SYT16: variants seen among roughly 807,000 people sequenced by gnomAD.
SYT16 encodes the protein synaptotagmin-16.
SYT16 carries 42 observed loss-of-function variants against 61.4 expected under a neutral mutation model. The observed-to-expected ratio is 0.68, with a 90% CI of 0.53 to 0.89. The LOEUF is 0.89. Among genes scored for constraint, SYT16 ranks in the 40% least tolerant of loss-of-function variants. The pLI, the probability that SYT16 is intolerant of heterozygous loss-of-function variation, is 0.00. For missense variants in SYT16, 804 were observed against 807.3 expected (o/e 1.00, Z 0.05); for synonymous variants, 314 against 302.3 (o/e 1.04, Z -0.40).
chr14:61,923,085 T>C (rs2049401892), intron 1 of SYT16, among the ~76,000 whole-genome samples: 1 of 151,906 alleles, frequency 6.6e-6, no homozygotes, highest in Non-Finnish European at 1.5e-5. Context: ...GACCTATTTG[T>C]ATACTATTCT....
intron 3 of SYT16, among the ~76,000 whole-genome samples, chr14:62,020,324 A>G (rs140982923): frequency 3.3e-5 from 5 of 152,324 alleles, no homozygotes; most frequent in South Asian, 2.1e-4. Flanking sequence ...GTGTGTGTAT[A>G]TATCTTGTAT....
chr14:62,040,202 G>A (rs964602866), intron 3 of SYT16, among the ~76,000 whole-genome samples: 4 of 152,068 alleles, frequency 2.6e-5, no homozygotes, highest in African/African-American at 9.7e-5. Context: ...CTAGACTTGA[G>A]TTTTTTCCCC....
chr14:61,974,559 A>G (rs2051701819), intron 2 of SYT16, among the ~76,000 whole-genome samples: 1 of 152,196 alleles, frequency 6.6e-6, no homozygotes, highest in Non-Finnish European at 1.5e-5. Flanking sequence ...TCCTGGAGTC[A>G]GCAGGAGCCA....
intron 3 of SYT16, among the ~76,000 whole-genome samples, chr14:62,009,099 C>T (rs1433007956): frequency 6.6e-6 from 1 of 152,192 alleles, no homozygotes; most frequent in Non-Finnish European, 1.5e-5. Flanking sequence ...GGCTTCTTCT[C>T]TCTGTCACCA....
chr14:61,975,422 G>T (rs1322165885), intron 2 of SYT16, among the ~76,000 whole-genome samples: 1 of 152,100 alleles, frequency 6.6e-6, no homozygotes, highest in Non-Finnish European at 1.5e-5. Context: ...CTAAGACTGG[G>T]TAATTTATAA....
At chr14:61,985,109 G>C (rs1430852579) in intron 2 of SYT16, among the ~76,000 whole-genome samples, 1 of 152,072 alleles carries the variant, frequency 6.6e-6, no homozygotes, top group African/African-American at 2.4e-5. Context: ...CATATTATTA[G>C]CATTACTATT....
At chr14:61,864,745 C>G in intron 1 of SYT16, 2 of 990,408 alleles carry the variant, frequency 2.0e-6, no homozygotes, top group Non-Finnish European at 3.1e-6. Flanking sequence ...CACTCGCTAC[C>G]TGGTTAATGA....
In SYT16 at chr14:62,074,729, G is replaced by A. The variant is rs933841669; in HGVS notation, c.737-406G>A. Among the ~76,000 whole-genome samples, 5 of 152,166 alleles carry A rather than the reference G, an allele frequency of 3.3e-5. No homozygotes were observed. In the South Asian group the frequency reaches 8.3e-4, roughly 25 times the overall value. ...CAAAGCTTTTTGAGCAGAGGGTAAT[G>A]TGGTAAACACTGAAGAGGAAAGGAA... On this transcript the variant is annotated intron_variant, in intron 4 of 7. Coordinates refer to ENST00000683842, the MANE Select transcript of SYT16 (RefSeq NM_001367656.1).
chr14:61,941,569 G>A (rs1399528547), intron 1 of SYT16, among the ~76,000 whole-genome samples: 1 of 152,130 alleles, frequency 6.6e-6, no homozygotes, highest in African/African-American at 2.4e-5. Context: ...ATGAGATAAA[G>A]CCTTCTGCTC....
intron 3 of SYT16, among the ~76,000 whole-genome samples, chr14:62,001,329 A>T (rs914265739): frequency 2.0e-5 from 3 of 151,864 alleles, no homozygotes; most frequent in Non-Finnish European, 1.5e-5. Context: ...TGCTTGAAAA[A>T]TTTTCTCAAT....
intron 3 of SYT16, among the ~76,000 whole-genome samples, chr14:62,066,434 A>G (rs1284673088): frequency 6.6e-6 from 1 of 152,224 alleles, no homozygotes; most frequent in Non-Finnish European, 1.5e-5. Flanking sequence ...TCGGGCACTT[A>G]TGACAGTGCC....
chr14:61,864,858 C>G, intron 1 of SYT16: 1 of 1,132,382 alleles, frequency 8.8e-7, no homozygotes, highest in Non-Finnish European at 1.3e-6. Context: ...TGCATATTCT[C>G]CCAGCCACCC....
At chr14:61,816,306 G>A (rs2045424758) in intron 1 of SYT16, among the ~76,000 whole-genome samples, 1 of 152,016 alleles carries the variant, frequency 6.6e-6, no homozygotes, top group Non-Finnish European at 1.5e-5. Context: ...GGTGGGTGGG[G>A]GTCGGGGATC....
chr14:61,847,871 G>A (rs72716781), intron 1 of SYT16, among the ~76,000 whole-genome samples: 11,931 of 152,170 alleles, frequency 0.078, 540 homozygotes, highest in Non-Finnish European at 0.1. Flanking sequence ...TATGTCAATT[G>A]TAGTTTTTCA....
chr14:62,055,625 G>A (rs768961479), intron 3 of SYT16, among the ~76,000 whole-genome samples: 37 of 152,118 alleles, frequency 2.4e-4, no homozygotes, highest in Non-Finnish European at 4.6e-4. Context: ...CCTCAAAGAG[G>A]CTAGAGGAGC....
At chr14:62,000,104 T>TTTTTTTTTTTTTTTTTTTTTGG (rs2052945716) in intron 3 of SYT16, among the ~76,000 whole-genome samples, 1 of 106,954 alleles carries the variant, frequency 9.3e-6, no homozygotes, top group Non-Finnish European at 2.1e-5. Context: ...TCTCGATTTT[T>TTTTTTTTTTTTTTTTTTTTTGG]TTTTTTTTTT....
At chr14:61,918,272 C>G (rs2049195082) in intron 1 of SYT16, among the ~76,000 whole-genome samples, 1 of 151,968 alleles carries the variant, frequency 6.6e-6, no homozygotes, top group Admixed American at 6.6e-5. Context: ...TTAGAAGGAC[C>G]CAGAGATCTA....
At chr14:61,931,372 T>A (rs757758893) in intron 1 of SYT16, among the ~76,000 whole-genome samples, 29 of 152,324 alleles carry the variant, frequency 1.9e-4, no homozygotes, top group African/African-American at 5.8e-4. Flanking sequence ...TTCTTTTTTT[T>A]AAAAATATTC....
At chr14:62,002,682 A>G (rs116895578) in intron 3 of SYT16, among the ~76,000 whole-genome samples, 1,771 of 152,176 alleles carry the variant, frequency 0.012, 21 homozygotes, top group Non-Finnish European at 0.02. Flanking sequence ...CCCCAGGGAT[A>G]GAAGTGTTTA....
Sources: gnomAD v4.1 joint callset for allele counts (sites outside exome capture counted in the v4.1 genomes callset) on GRCh38, gnomAD v4.1.1 for gene constraint, MANE v1.5 for transcripts, NCBI Gene and HGNC (gene_info 2026-07-23, HGNC 2026-07-21) for gene names.